The following ARHGAP29 variants were observed in gnomAD, a reference collection of about 807,000 sequenced individuals.
ARHGAP29 encodes Rho GTPase activating protein 29.
In ARHGAP29, 43 loss-of-function variants were observed where a neutral mutation model predicts 122.6. That is an observed-to-expected ratio of 0.35 (90% CI 0.27 to 0.45). The LOEUF is 0.45. ARHGAP29 is among the 20% of genes least tolerant of loss of function. ARHGAP29 has a pLI of 1.00. For synonymous variants in ARHGAP29, 506 were observed against 497.1 expected (o/e 1.02, Z -0.24); for missense variants, 1,303 against 1,477.2 (o/e 0.88, Z 1.93).
chr1:94,189,397 G>C, intron 13 of ARHGAP29, 45 bp from the exon 14 acceptor site: 1 of 1,541,396 alleles, frequency 6.5e-7, no homozygotes, highest in Non-Finnish European at 8.8e-7. Context: ...ACACTCCAAA[G>C]AATAATAATC....
intron 20 of ARHGAP29, among the ~76,000 whole-genome samples, chr1:94,179,170 G>A (rs1423385150): frequency 6.6e-6 from 1 of 152,180 alleles, no homozygotes. Flanking sequence ...CACACAGGAG[G>A]CATCTGAGGG....
chr1:94,250,279 A>C (rs1219083672), intron 1 of ARHGAP29: 1 of 152,164 alleles, frequency 6.6e-6, no homozygotes. Context: ...TGTCTGTTGT[A>C]TTTTTATTGA....
intron 19 of ARHGAP29, among the ~76,000 whole-genome samples, chr1:94,182,501 A>C (rs967777266): frequency 2.6e-5 from 4 of 152,124 alleles, no homozygotes; most frequent in African/African-American, 9.7e-5. Context: ...CAAAACACAT[A>C]CTTATAAAAT....
chr1:94,210,595 AC>A (rs1171761760), intron 3 of ARHGAP29, among the ~76,000 whole-genome samples: 2 of 152,150 alleles, frequency 1.3e-5, no homozygotes, highest in Non-Finnish European at 2.9e-5. Flanking sequence ...TCTAAATATC[AC>A]TGATACAAAC....
At position 94,179,812 on chromosome 1, in the gene ARHGAP29, C is replaced by A. The variant is rs41311172; in HGVS notation, c.2393G>T (p.Arg798Leu). Reference sequence around the variant, plus strand: ...AAGGTCTTTGCTTTTTAGAAGAATTCGGTTTATTTCTATACACATATTTGG... The same window carrying A: ...AAGGTCTTTGCTTTTTAGAAGAATTAGGTTTATTTCTATACACATATTTGG... Reference protein sequence around the residue: ...KWPNMCIEINRILLKSKDLLR... With the variant: ...KWPNMCIEINLILLKSKDLLR... The change falls in exon 20 of 23, where the codon CGA becomes CTA. Residue 798 changes from arginine (R) to leucine (L), a missense_variant. Coordinates refer to ENST00000260526, the MANE Select transcript of ARHGAP29 (RefSeq NM_004815.4). The A allele has an allele frequency of 1.9e-6, 3 of 1,613,382 alleles. No homozygotes were observed. The highest frequency in any genetic ancestry group is 2.5e-6 in the Non-Finnish European group (3 of 1,179,686).
chr1:94,174,261 CTGGCTCTGCATA>C lies in ARHGAP29; in HGVS notation c.3382_3393del (p.Tyr1128_Pro1131del). ...TCAGATGCCTCTCTCACTGACCTGA[CTGGCTCTGCATA>C]TGGCTTACTGGGTTGAGTGGCATTG... On this transcript the variant is annotated inframe_deletion, in exon 23 of 23. Coordinates refer to ENST00000260526, the MANE Select transcript of ARHGAP29 (RefSeq NM_004815.4). 1 of 1,614,226 alleles carries C rather than the reference CTGGCTCTGCATA, an allele frequency of 6.2e-7. No homozygotes were observed.
the ARHGAP29 span, among the ~76,000 whole-genome samples, chr1:94,296,203 G>C: frequency 1.3e-5 from 2 of 152,128 alleles, no homozygotes; most frequent in Non-Finnish European, 2.9e-5. Context: ...CATCCGGCCT[G>C]GGACGTGAAT....
At chr1:94,263,261 G>A (rs1319188002) in intron 1 of ARHGAP29, among the ~76,000 whole-genome samples, 1 of 152,098 alleles carries the variant, frequency 6.6e-6, no homozygotes, top group African/African-American at 2.4e-5. Context: ...AAGTTGAGAG[G>A]AGGGAGAAGA....
chr1:94,303,831 C>G, the ARHGAP29 span, among the ~76,000 whole-genome samples: 6 of 152,224 alleles, frequency 3.9e-5, no homozygotes, highest in Non-Finnish European at 7.3e-5. Context: ...TGCTTAAGTA[C>G]TAAGGCCCTG....
intron 20 of ARHGAP29, among the ~76,000 whole-genome samples, chr1:94,179,370 C>T (rs999629195): frequency 2.0e-5 from 3 of 151,764 alleles, no homozygotes; most frequent in Admixed American, 6.6e-5. Flanking sequence ...CTGAGGTGGG[C>T]GGATCATGAG....
Position 94,237,534 on chromosome 1 carries a change from A to T in ARHGAP29, c.-152T>A, listed in dbSNP as rs1422188477. 2 of 990,630 alleles carry T rather than the reference A, an allele frequency of 2.0e-6. No individual in the cohort carries two copies. The highest frequency in any genetic ancestry group is 1.1e-4 in the East Asian group (1 of 8,954). 61.4% of individuals were successfully genotyped at this position (990,630 alleles called of 1,614,324 possible). On this transcript the variant is annotated 5_prime_UTR_variant, in exon 1 of 23. Transcript: ENST00000260526. ...CCACGGCCTGCGGACGCCCGGCCAA[A>T]TCTCAGCCGCAGCCGCAGCCGCAGC...
In ARHGAP29 at chr1:94,189,268, G is replaced by A. The variant is rs759539742; in HGVS notation, c.1524C>T (p.Asp508=). Reference sequence around the variant, plus strand: ...TGTCCTCTTCAATTTTATTAGAACTGTCAGGAAGGCGTACAACATCCTCTA... The same window carrying A: ...TGTCCTCTTCAATTTTATTAGAACTATCAGGAAGGCGTACAACATCCTCTA... ...NSLEDVVRLP[D]SSNKIEEDRC... Residue 508 remains aspartate (D), a synonymous_variant, in exon 14 of 23, where the codon GAC becomes GAT. Coordinates refer to ENST00000260526, the MANE Select transcript of ARHGAP29 (RefSeq NM_004815.4). 117 of 1,613,032 alleles carry A rather than the reference G, an allele frequency of 7.3e-5. No individual in the cohort carries two copies. The highest frequency in any genetic ancestry group is 9.7e-5 in the Non-Finnish European group (114 of 1,179,516).
rs115585782 is a variant in ARHGAP29 at position 94,176,173 on chromosome 1, G to C, written c.2906-1424C>G. 2.0e-3 allele frequency among the ~76,000 whole-genome samples: 310 copies of C among 152,300 alleles called. 2 individuals carry two copies. Among genetic ancestry groups the C allele is most frequent in the Middle Eastern group, 3.4e-3 (1 of 294 alleles). On this transcript the variant is annotated intron_variant, in intron 22 of 22. Coordinates refer to ENST00000260526, the MANE Select transcript of ARHGAP29 (RefSeq NM_004815.4). Reference sequence around the variant, plus strand: ...ACAGACTCTGAAGCACAGTTGCCTGGGTCCTGGCTCAGCCCTGCCTGCCAC... The same window carrying C: ...ACAGACTCTGAAGCACAGTTGCCTGCGTCCTGGCTCAGCCCTGCCTGCCAC...
At chr1:94,274,026 C>T (rs1055496209) in intron 1 of ARHGAP29, among the ~76,000 whole-genome samples, 34 of 152,210 alleles carry the variant, frequency 2.2e-4, no homozygotes, top group Middle Eastern at 3.4e-3. Context: ...CAAAAAAGAA[C>T]GCTGTAAGAC....
At chr1:94,284,485 T>C in the ARHGAP29 span, among the ~76,000 whole-genome samples, 1 of 152,200 alleles carries the variant, frequency 6.6e-6, no homozygotes, top group Non-Finnish European at 1.5e-5. Flanking sequence ...CCAGGCATGG[T>C]CATAGCACTG....
chr1:94,193,700 T>C (rs1157732796), intron 12 of ARHGAP29: 1 of 152,162 alleles, frequency 6.6e-6, no homozygotes, highest in East Asian at 1.9e-4. Context: ...AGTGAAGGTG[T>C]CCTTCAGAAA....
rs1648700077 is a variant in ARHGAP29 at position 94,170,946 on chromosome 1, T to C, written c.*2923A>G. On this transcript the variant is annotated 3_prime_UTR_variant, in exon 23 of 23. Coordinates refer to ENST00000260526, the MANE Select transcript of ARHGAP29 (RefSeq NM_004815.4). ...TATCTAGGAATACAACTGACTTACA[T>C]ACTGATTGTGAATGTAGCAAATTTG... Among the ~76,000 whole-genome samples the C allele has an allele frequency of 6.6e-6, 1 of 152,208 alleles. No homozygotes were observed. The highest frequency in any genetic ancestry group is 2.4e-5 in the African/African-American group (1 of 41,452).
the ARHGAP29 span, among the ~76,000 whole-genome samples, chr1:94,301,041 T>G: frequency 6.6e-6 from 1 of 152,202 alleles, no homozygotes; most frequent in East Asian, 1.9e-4. Flanking sequence ...TAACTAGTAG[T>G]CTGGACTCCT....
chr1:94,240,197 T>A (rs1653525125), upstream of ARHGAP29, among the ~76,000 whole-genome samples: 1 of 152,176 alleles, frequency 6.6e-6, no homozygotes, highest in African/African-American at 2.4e-5. Context: ...TCACAATAGT[T>A]GGCTATTTGG....
Sources: gnomAD v4.1 joint callset for allele counts (sites outside exome capture counted in the v4.1 genomes callset) on GRCh38, gnomAD v4.1.1 for gene constraint, MANE v1.5 for transcripts, NCBI Gene and HGNC (gene_info 2026-07-23, HGNC 2026-07-21) for gene names.